CAMTA1: variants seen among roughly 807,000 people sequenced by gnomAD.
The protein encoded by CAMTA1 is calmodulin binding transcription activator 1, also known as calmodulin-binding transcription activator 1.
Under a neutral mutation model 170.9 loss-of-function variants are expected in CAMTA1, and 27 were observed. The observed-to-expected ratio is 0.16, with a 90% CI of 0.12 to 0.22. CAMTA1 has a LOEUF of 0.22. Among genes scored for constraint, CAMTA1 ranks in the 10% least tolerant of loss-of-function variants. CAMTA1 has a pLI of 1.00. For synonymous variants in CAMTA1, 833 were observed against 891.5 expected, an observed-to-expected ratio of 0.93 and a Z score of 1.17; for missense variants, 1,619 against 2,217.2, an observed-to-expected ratio of 0.73 and a Z score of 5.42.
chr1:7,150,117 A>G (rs1646488887), intron 4 of CAMTA1, among the ~76,000 whole-genome samples: 1 of 152,186 alleles, frequency 6.6e-6, no homozygotes, highest in Admixed American at 6.5e-5. Flanking sequence ...TGCCTCTTCA[A>G]AGGCTCTGCG....
intron 11 of CAMTA1, among the ~76,000 whole-genome samples, chr1:7,679,430 G>A (rs1209602155): frequency 6.6e-6 from 1 of 152,316 alleles, no homozygotes; most frequent in East Asian, 1.9e-4. Context: ...TACCCCAGAA[G>A]CTACGGCACG....
At chr1:7,554,379 G>A (rs909168542) in intron 6 of CAMTA1, among the ~76,000 whole-genome samples, 8 of 152,050 alleles carry the variant, frequency 5.3e-5, no homozygotes, top group African/African-American at 9.7e-5. Context: ...GCTCTTCCTC[G>A]TCTTAGTTCT....
rs372228773 is a variant in CAMTA1, at chr1:7,274,868, G to A, written c.438+25242G>A. Among the ~76,000 whole-genome samples the A allele has an allele frequency of 7.2e-5, 11 of 152,184 alleles. No individual in the cohort carries two copies. In the East Asian group the frequency reaches 1.2e-3, roughly 16 times the overall value. On this transcript the variant is annotated intron_variant, in intron 5 of 22. Transcript: ENST00000303635. ...GGAAACTAGAAAATATTGGCTGAGC[G>A]TGGTGGCTCATGGATGTAATCTCAG...
intron 3 of CAMTA1, among the ~76,000 whole-genome samples, chr1:6,878,484 G>A (rs982471264): frequency 4.6e-5 from 7 of 152,156 alleles, no homozygotes; most frequent in Admixed American, 2.6e-4. Context: ...GCATTGCCAC[G>A]GTATAGCAGT....
intron 3 of CAMTA1, among the ~76,000 whole-genome samples, chr1:7,004,560 C>T (rs935930857): frequency 6.6e-6 from 1 of 152,052 alleles, no homozygotes; most frequent in East Asian, 1.9e-4. Flanking sequence ...TGAAATAAAG[C>T]ATATATACAA....
intron 6 of CAMTA1, among the ~76,000 whole-genome samples, chr1:7,630,409 T>G (rs2095661216): frequency 6.6e-6 from 1 of 152,244 alleles, no homozygotes; most frequent in South Asian, 2.1e-4. Flanking sequence ...TTTCCTACAC[T>G]ACCTTTGGGC....
At chr1:6,917,409 G>A (rs1681046892) in intron 3 of CAMTA1, among the ~76,000 whole-genome samples, 2 of 152,158 alleles carry the variant, frequency 1.3e-5, no homozygotes, top group Non-Finnish European at 2.9e-5. Flanking sequence ...GATTGGATGC[G>A]AGGAAACTGT....
intron 4 of CAMTA1, among the ~76,000 whole-genome samples, chr1:7,129,604 AC>A (rs1645130397): frequency 6.6e-6 from 1 of 152,116 alleles, no homozygotes; most frequent in East Asian, 1.9e-4. Flanking sequence ...TGAAATGGAG[AC>A]ATTAATAGTG....
chr1:7,081,016 G>A (rs1639930173), intron 3 of CAMTA1, among the ~76,000 whole-genome samples: 1 of 152,230 alleles, frequency 6.6e-6, no homozygotes, highest in Admixed American at 6.5e-5. Flanking sequence ...CCTCTTCAAA[G>A]AGTGCATGGC....
At chr1:7,691,576 G>A (rs2096312302) in intron 11 of CAMTA1, among the ~76,000 whole-genome samples, 1 of 152,142 alleles carries the variant, frequency 6.6e-6, no homozygotes, top group Non-Finnish European at 1.5e-5. Flanking sequence ...CGAGGAGATG[G>A]CATCAGGAGG....
intron 4 of CAMTA1, among the ~76,000 whole-genome samples, chr1:7,109,740 C>T (rs1042429304): frequency 1.3e-5 from 2 of 152,196 alleles, no homozygotes; most frequent in East Asian, 1.9e-4. Context: ...ATCGTCCTCC[C>T]ATTGGCCTGA....
chr1:7,640,607 A>G, intron 7 of CAMTA1, 54 bp downstream of exon 7: 1 of 1,609,564 alleles, frequency 6.2e-7, no homozygotes, highest in Non-Finnish European at 8.5e-7. Flanking sequence ...GGCTGGCATC[A>G]ACCAGGCGGG....
Position 7,458,516 on chromosome 1 carries a change from G to A in CAMTA1, c.439-9314G>A, listed in dbSNP as rs75438620. Among the ~76,000 whole-genome samples the A allele has an allele frequency of 7.0e-3, 1,071 of 152,270 alleles. 29 individuals are homozygous for A. The highest frequency in any genetic ancestry group is 0.047 in the East Asian group (242 of 5,172). On this transcript the variant is annotated intron_variant, in intron 5 of 22. Transcript: ENST00000303635. The stretch of plus-strand genomic sequence containing the variant: ...CAGCCAGAATGCCAAGCCAAGGGAC[G>A]GCTACTCTCCCAGGGAGCCCTGGAG...
In CAMTA1 at chr1:7,682,851, G is replaced by A. The variant is rs190437786; in HGVS notation, c.2914+5118G>A. Among the ~76,000 whole-genome samples the A allele has an allele frequency of 7.9e-5, 12 of 152,286 alleles. No homozygotes were observed. The highest frequency in any genetic ancestry group is 1.3e-4 in the Non-Finnish European group (9 of 68,020). On this transcript the variant is annotated intron_variant, in intron 11 of 22. Transcript: ENST00000303635. This position sits in a 1 kb window ranked among gnomAD's most constrained non-coding sequence, Gnocchi z 5.0. ...CCCTCAGCTGGCCCATGAACACATCGCATGACATGGGATGCTGTAAGAGAA... is the reference window on the plus strand; with the variant it reads ...CCCTCAGCTGGCCCATGAACACATCACATGACATGGGATGCTGTAAGAGAA...
intron 6 of CAMTA1, among the ~76,000 whole-genome samples, chr1:7,583,096 A>G (rs11120979): frequency 0.027 from 4,031 of 152,054 alleles, 160 homozygotes; most frequent in African/African-American, 0.092. Context: ...GGCACATCCC[A>G]GTGGTGAGGC....
rs186472405 is a variant in CAMTA1, at chr1:7,406,804, A to G, written c.439-61026A>G. Among the ~76,000 whole-genome samples, 268 of 152,112 alleles carry G rather than the reference A, an allele frequency of 1.8e-3. 1 individual carries two copies. The highest frequency in any genetic ancestry group is 5.5e-3 in the African/African-American group (228 of 41,522). ...CCCCAGGTGGCCCACTGCTGCCCCCACAGCCCCCCTCCCGACAATGGGTAG... is the reference window on the plus strand; with the variant it reads ...CCCCAGGTGGCCCACTGCTGCCCCCGCAGCCCCCCTCCCGACAATGGGTAG... On this transcript the variant is annotated intron_variant, in intron 5 of 22. Transcript: ENST00000303635.
intron 5 of CAMTA1, among the ~76,000 whole-genome samples, chr1:7,255,133 G>A (rs1329234198): frequency 6.6e-6 from 1 of 152,182 alleles, no homozygotes; most frequent in East Asian, 1.9e-4. Flanking sequence ...ACCTGGGCCT[G>A]TCAGGGAGTC....
At chr1:7,276,304 T>TATATATATATA (rs1553299266) in intron 5 of CAMTA1, among the ~76,000 whole-genome samples, 8 of 14,928 alleles carry the variant, frequency 5.4e-4, no homozygotes, top group African/African-American at 2.0e-3. Context: ...TATATATATA[T>TATATATATATA]TTTTTTTTTT....
intron 4 of CAMTA1, among the ~76,000 whole-genome samples, chr1:7,131,527 T>C (rs74051135): frequency 9.4e-4 from 134 of 142,346 alleles, no homozygotes; most frequent in African/African-American, 3.0e-3. Flanking sequence ...CTTTTCTTTT[T>C]TTTTTTTTTT....
Sources: gnomAD v4.1 joint callset for allele counts (sites outside exome capture counted in the v4.1 genomes callset) on GRCh38, gnomAD v4.1.1 for gene constraint, Gnocchi (gnomAD v3.1) non-coding constraint, MANE v1.5 for transcripts, NCBI Gene and HGNC (gene_info 2026-07-23, HGNC 2026-07-21) for gene names.